EPHA6: variants seen among roughly 807,000 people sequenced by gnomAD.
EPHA6 encodes ephrin type-A receptor 6.
EPHA6 carries 50 observed loss-of-function variants against 112.0 expected under a neutral mutation model. The ratio of observed to expected loss-of-function variants is 0.45; its 90% CI spans 0.36 to 0.56. The LOEUF is 0.56. EPHA6 is among the 20% of genes least tolerant of loss of function. The pLI, the probability that EPHA6 is intolerant of heterozygous loss-of-function variation, is 0.00. For synonymous variants in EPHA6, 529 were observed against 490.7 expected (o/e 1.08, Z -1.03); for missense variants, 1,280 against 1,417.4 (o/e 0.90, Z 1.56).
intron 1 of EPHA6, among the ~76,000 whole-genome samples, chr3:96,848,972 A>G (rs919882119): frequency 3.3e-5 from 5 of 152,140 alleles, no homozygotes; most frequent in African/African-American, 1.2e-4. Flanking sequence ...TAACACAGTA[A>G]CTGCTTTTTT....
intron 1 of EPHA6, among the ~76,000 whole-genome samples, chr3:96,845,019 A>G (rs1332987049): frequency 4.6e-5 from 7 of 152,006 alleles, no homozygotes; most frequent in Admixed American, 4.6e-4. Context: ...ATCCCATGAA[A>G]GTGTATTTAT....
chr3:97,194,546 A>G (rs1477740696), intron 3 of EPHA6, among the ~76,000 whole-genome samples: 2 of 146,908 alleles, frequency 1.4e-5, no homozygotes, highest in Non-Finnish European at 3.0e-5. Flanking sequence ...ATTTGCAGCC[A>G]TTAGATGAAT....
chr3:97,637,169 T>C (rs2093953264), intron 13 of EPHA6, among the ~76,000 whole-genome samples: 1 of 152,156 alleles, frequency 6.6e-6, no homozygotes, highest in Non-Finnish European at 1.5e-5. Context: ...ATGGGATTGA[T>C]ACTGATACCA....
chr3:97,244,921 T>C (rs967086691), intron 5 of EPHA6, among the ~76,000 whole-genome samples: 2 of 152,024 alleles, frequency 1.3e-5, no homozygotes, highest in African/African-American at 4.8e-5. Context: ...CTATGATTTT[T>C]ACAAGTATAT....
At chr3:97,177,990 G>T (rs1000275994) in intron 3 of EPHA6, among the ~76,000 whole-genome samples, 1 of 151,816 alleles carries the variant, frequency 6.6e-6, no homozygotes, top group African/African-American at 2.4e-5. Context: ...CTGCCATTTT[G>T]TGACTTGGTT....
chr3:97,695,601 C>T (rs771796098), intron 14 of EPHA6, among the ~76,000 whole-genome samples: 9 of 152,140 alleles, frequency 5.9e-5, no homozygotes, highest in Non-Finnish European at 8.8e-5. Flanking sequence ...AATGCAGTGG[C>T]GCCATCTCAG....
At chr3:97,359,875 T>G (rs935617753) in intron 5 of EPHA6, among the ~76,000 whole-genome samples, 1 of 152,216 alleles carries the variant, frequency 6.6e-6, no homozygotes, top group Non-Finnish European at 1.5e-5. Context: ...TCTCTAAGCA[T>G]GTGTGGTCAC....
chr3:97,048,387 G>A lies in EPHA6; in HGVS notation c.1114+60394G>A, dbSNP rs144431190. Among the ~76,000 whole-genome samples the A allele has an allele frequency of 2.0e-4, 31 of 152,212 alleles. No homozygotes were observed. In the East Asian group the frequency reaches 4.2e-3, roughly 21 times the overall value. ...TAGAGGTGAGAAATTGAGATACATC[G>A]TCACAAATGGCTTAAATGTGACATC... is the stretch of plus-strand genomic sequence containing the variant. On this transcript the variant is annotated intron_variant, in intron 3 of 17. Coordinates refer to ENST00000389672, the MANE Select transcript of EPHA6 (RefSeq NM_001080448.3).
intron 11 of EPHA6, among the ~76,000 whole-genome samples, chr3:97,560,894 T>C (rs911284777): frequency 6.6e-6 from 1 of 152,088 alleles, no homozygotes; most frequent in Non-Finnish European, 1.5e-5. Context: ...TTACTTCATA[T>C]CTCTGTGTCA....
At chr3:97,568,219 T>C (rs991588825) in intron 11 of EPHA6, among the ~76,000 whole-genome samples, 9 of 152,178 alleles carry the variant, frequency 5.9e-5, no homozygotes, top group Admixed American at 2.0e-4. Flanking sequence ...ATTTAAAAAA[T>C]ACTTATAATA....
chr3:97,003,242 G>A (rs2043738248), intron 3 of EPHA6, among the ~76,000 whole-genome samples: 1 of 152,078 alleles, frequency 6.6e-6, no homozygotes, highest in Non-Finnish European at 1.5e-5. Flanking sequence ...CAAGTAGCTG[G>A]GATTACAGGC....
At chr3:97,374,608 G>A in intron 5 of EPHA6, among the ~76,000 whole-genome samples, 1 of 152,042 alleles carries the variant, frequency 6.6e-6, no homozygotes, top group Non-Finnish European at 1.5e-5. Flanking sequence ...CGTCACCCAG[G>A]TAGTGAGCAC....
At chr3:97,367,598 T>C (rs1182587916) in intron 5 of EPHA6, among the ~76,000 whole-genome samples, 2 of 151,992 alleles carry the variant, frequency 1.3e-5, no homozygotes, top group Non-Finnish European at 2.9e-5. Flanking sequence ...TTTCTGTTTC[T>C]AGCTTGGAAT....
At chr3:97,077,534 G>A (rs1482150157) in intron 3 of EPHA6, among the ~76,000 whole-genome samples, 2 of 150,840 alleles carry the variant, frequency 1.3e-5, no homozygotes, top group Non-Finnish European at 3.0e-5. Flanking sequence ...TACTATCCCT[G>A]CCCCCGCCCC....
intron 2 of EPHA6, among the ~76,000 whole-genome samples, chr3:96,955,589 A>G (rs181805888): frequency 1.3e-5 from 2 of 152,342 alleles, no homozygotes; most frequent in East Asian, 3.9e-4. Context: ...ACTAATGGCA[A>G]AAAATATGTT....
At chr3:97,145,395 G>A (rs1342885340) in intron 3 of EPHA6, among the ~76,000 whole-genome samples, 1 of 150,794 alleles carries the variant, frequency 6.6e-6, no homozygotes, top group Non-Finnish European at 1.5e-5. Context: ...TTTAAATCAG[G>A]AATATTTTTA....
intron 2 of EPHA6, among the ~76,000 whole-genome samples, chr3:96,937,656 G>C (rs1170964424): frequency 6.6e-6 from 1 of 152,116 alleles, no homozygotes; most frequent in Non-Finnish European, 1.5e-5. Flanking sequence ...CATTGCTTGT[G>C]GTGTTTTAGA....
chr3:97,418,741 T>C (rs2088346574), intron 6 of EPHA6, among the ~76,000 whole-genome samples: 1 of 151,848 alleles, frequency 6.6e-6, no homozygotes, highest in Non-Finnish European at 1.5e-5. Context: ...TGTGAATAAA[T>C]AAAATAGTAA....
chr3:96,880,243 C>T (rs2037230940), intron 2 of EPHA6, among the ~76,000 whole-genome samples: 1 of 152,048 alleles, frequency 6.6e-6, no homozygotes, highest in South Asian at 2.1e-4. Flanking sequence ...CAAAACATCA[C>T]ACTGTACCCC....
Sources: allele counts gnomAD v4.1 joint callset (sites outside exome capture counted in the v4.1 genomes callset), GRCh38; gene constraint gnomAD v4.1.1; transcripts MANE v1.5; gene names NCBI Gene and HGNC (gene_info 2026-07-23, HGNC 2026-07-21).